Variants in STAU1 observed in about 807,000 individuals in gnomAD.
STAU1 encodes the protein staufen double-stranded RNA binding protein 1, also known as double-stranded RNA-binding protein Staufen homolog 1.
In STAU1, 13 loss-of-function variants were observed where a neutral mutation model predicts 62.9. That is an observed-to-expected ratio of 0.21 (90% confidence interval 0.13 to 0.33). The LOEUF is 0.33. STAU1 is among the 10% of genes least tolerant of loss of function. The pLI, the probability that STAU1 is intolerant of heterozygous loss-of-function variation, is 1.00. For synonymous variants in STAU1, 269 were observed against 265.1 expected (o/e 1.01, Z -0.14); for missense variants, 571 against 712.1 (o/e 0.80, Z 2.25).
Position 49,166,301 on chromosome 20 carries a change from G to C in STAU1, c.-84-16C>G. ...AAAGTTCTACCTAAAAGTTGTAAGG[G>C]AAAGAAAATAAAAAGGTAAATTATA... On this transcript the variant is annotated splice_polypyrimidine_tract_variant and intron_variant, in intron 2 of 13. Coordinates refer to ENST00000371856, the MANE Select transcript of STAU1 (RefSeq NM_017453.4). 9.4e-7 allele frequency: 1 copy of C among 1,059,028 alleles called. No homozygotes were observed. The highest frequency in any genetic ancestry group is 1.4e-6 in the Non-Finnish European group (1 of 727,908). 65.6% of individuals were successfully genotyped at this position (1,059,028 alleles called of 1,614,324 possible).
Position 49,120,082 on chromosome 20 carries a change from T to C in STAU1, c.1013A>G (p.Lys338Arg). 1.9e-6 allele frequency: 3 copies of C among 1,614,200 alleles called. No homozygotes were observed. Among genetic ancestry groups the C allele is most frequent in the Non-Finnish European group, 2.5e-6 (3 of 1,180,028 alleles). ...CTCGGCTGCATTGCGCTTGGCCACC[T>C]TCTTGTTGGTGCCCGTTCCTTCTGC... ...HTAEGTGTNK[K>R]VAKRNAAENM... Residue 338 changes from lysine to arginine, a missense_variant, in exon 9 of 14, where the codon AAG (lysine) becomes AGG (arginine). By Grantham distance (26) the Lys-to-Arg change is conservative. This residue lies in a region of STAU1 where 414 missense variants were observed against 499.6 expected (regional missense o/e 0.83). Transcript: ENST00000371856.
At chr20:49,130,618 C>T (rs545042587) in intron 6 of STAU1, among the ~76,000 whole-genome samples, 2 of 152,042 alleles carry the variant, frequency 1.3e-5, no homozygotes, top group African/African-American at 2.4e-5. Flanking sequence ...GCATCTATAC[C>T]GATATAATTA....
the STAU1 span, among the ~76,000 whole-genome samples, chr20:49,201,702 A>C: frequency 6.9e-6 from 1 of 145,652 alleles, no homozygotes. Flanking sequence ...AGATCACACC[A>C]CTGCACTCCA....
At chr20:49,175,923 T>C (rs562316245) in intron 1 of STAU1, among the ~76,000 whole-genome samples, 1 of 149,540 alleles carries the variant, frequency 6.7e-6, no homozygotes, top group Non-Finnish European at 1.5e-5. Context: ...GCCTCCCAAG[T>C]AGCTGGGACT....
chr20:49,134,685 T>C, intron 6 of STAU1: 1 of 1,081,866 alleles, frequency 9.2e-7, no homozygotes, highest in Non-Finnish European at 1.4e-6. Context: ...AGGACCTTGA[T>C]ATATTTAACT....
chr20:49,120,080 C>T lies in STAU1; in HGVS notation c.1015G>A (p.Val339Met). The change falls in exon 9 of 14, where the codon GTG becomes ATG. Residue 339 changes from valine to methionine, a missense_variant. Transcript: ENST00000371856. ...TAEGTGTNKK[V>M]AKRNAAENML... is the part of the protein sequence containing the mutation. ...TTCTCGGCTGCATTGCGCTTGGCCA[C>T]CTTCTTGTTGGTGCCCGTTCCTTCT... The T allele has an allele frequency of 4.3e-6, 7 of 1,614,202 alleles. No individual in the cohort carries two copies. Among genetic ancestry groups the T allele is most frequent in the Non-Finnish European group, 5.9e-6 (7 of 1,180,030 alleles).
intron 1 of STAU1, among the ~76,000 whole-genome samples, chr20:49,183,751 C>T (rs929220455): frequency 6.6e-6 from 1 of 152,110 alleles, no homozygotes; most frequent in Non-Finnish European, 1.5e-5. Context: ...ACAGTAAATC[C>T]TCTCTTAACA....
chr20:49,117,705 T>C lies in STAU1; in HGVS notation c.1509+72A>G, dbSNP rs1600590452. ...TAAGAAAAAAGTACAAAGTTCAAAG[T>C]TCATTTTCTGAGAGAAGCCAAAAGA... On this transcript the variant is annotated intron_variant, in intron 11 of 13. Transcript: ENST00000371856. The surrounding 1 kb of genome is among the most constrained non-coding windows in gnomAD (Gnocchi z 4.6). 1.4e-5 allele frequency: 20 copies of C among 1,477,712 alleles called. No homozygotes were observed. In the South Asian group the frequency reaches 2.5e-4, roughly 19 times the overall value. The allele number at this position is 1,477,712 out of a possible 1,614,324, so 91.5% of individuals were successfully genotyped here. A position where few individuals can be genotyped will look rare whatever the true frequency, so the allele number is the denominator to read the frequency against.
chr20:49,182,086 AT>A (rs1340961964), intron 1 of STAU1, among the ~76,000 whole-genome samples: 6 of 152,158 alleles, frequency 3.9e-5, no homozygotes, highest in Non-Finnish European at 8.8e-5. Context: ...TCTCAAATAG[AT>A]TTTTCCACTT....
At chr20:49,140,982 TAA>T (rs35880692) in intron 5 of STAU1, among the ~76,000 whole-genome samples, 1,569 of 131,530 alleles carry the variant, frequency 0.012, 17 homozygotes, top group Middle Eastern at 0.023. Context: ...ATGATCTGTT[TAA>T]AAAAAAAAAA....
At chr20:49,206,719 T>TTATATATATA in the STAU1 span, among the ~76,000 whole-genome samples, 2,218 of 105,672 alleles carry the variant, frequency 0.021, 35 homozygotes, top group South Asian at 0.03. Context: ...AAATGAAATT[T>TTATATATATA]TATATATATA....
chr20:49,170,601 T>A (rs746693330), intron 2 of STAU1, among the ~76,000 whole-genome samples: 1 of 152,186 alleles, frequency 6.6e-6, no homozygotes, highest in Non-Finnish European at 1.5e-5. Context: ...GATCCGCCTG[T>A]CTTGGCCTCA....
At chr20:49,202,615 G>A in the STAU1 span, among the ~76,000 whole-genome samples, 3 of 151,918 alleles carry the variant, frequency 2.0e-5, no homozygotes, top group Non-Finnish European at 4.4e-5. Flanking sequence ...GAAAGTAGTG[G>A]CTCATACCTG....
intron 6 of STAU1, among the ~76,000 whole-genome samples, chr20:49,128,773 C>CA (rs34891670): frequency 0.13 from 13,750 of 102,306 alleles, 997 homozygotes; most frequent in African/African-American, 0.23. Flanking sequence ...CATCCAAATC[C>CA]AAAAAAAAAA....
intron 6 of STAU1, among the ~76,000 whole-genome samples, chr20:49,135,595 T>C (rs1322448570): frequency 6.6e-6 from 1 of 151,936 alleles, no homozygotes; most frequent in Non-Finnish European, 1.5e-5. Context: ...CTTCAGGAGG[T>C]CCACACACCA....
chr20:49,199,121 G>T, the STAU1 span, among the ~76,000 whole-genome samples: 11 of 151,696 alleles, frequency 7.3e-5, no homozygotes, highest in Non-Finnish European at 1.5e-4. Context: ...ACTCCAGCCT[G>T]GGCAACAGAG....
chr20:49,152,867 A>G (rs2093278793), intron 4 of STAU1, among the ~76,000 whole-genome samples: 1 of 152,180 alleles, frequency 6.6e-6, no homozygotes. Context: ...AAGCAGTTAC[A>G]AGGGTTATCT....
the STAU1 span, among the ~76,000 whole-genome samples, chr20:49,199,272 C>T: frequency 3.3e-3 from 506 of 151,736 alleles, 1 homozygote; most frequent in Non-Finnish European, 5.8e-3. Flanking sequence ...CGCTCTGTTG[C>T]CAGGCTGGAT....
chr20:49,149,251 AACAC>A lies in STAU1; in HGVS notation c.510+2327_510+2330del, dbSNP rs34854738. ...GGGTGACAGGGAGAGACTGTCTCAAAACACACACACACACACACACACACACACA... is the reference window on the plus strand; with the variant it reads ...GGGTGACAGGGAGAGACTGTCTCAAAACACACACACACACACACACACACA... On this transcript the variant is annotated intron_variant, in intron 5 of 13. Transcript: ENST00000371856. Among the ~76,000 whole-genome samples, 592 of 132,016 alleles carry A rather than the reference AACAC, an allele frequency of 4.5e-3. 2 individuals carry two copies. Among genetic ancestry groups the A allele is most frequent in the African/African-American group, 7.6e-3 (263 of 34,582 alleles). 86.6% of individuals were successfully genotyped at this position (132,016 alleles called of 152,430 possible).
Sources: allele counts gnomAD v4.1 joint callset (sites outside exome capture counted in the v4.1 genomes callset), GRCh38; gene constraint gnomAD v4.1.1; regional missense constraint gnomAD v4.1.1; non-coding constraint Gnocchi (gnomAD v3.1); transcripts MANE v1.5; gene names NCBI Gene and HGNC (gene_info 2026-07-23, HGNC 2026-07-21).